Variants in HIPK2 observed in about 807,000 individuals in gnomAD.
The protein encoded by HIPK2 is homeodomain interacting protein kinase 2, also known as homeodomain-interacting protein kinase 2.
HIPK2 carries 27 observed loss-of-function variants against 113.7 expected under a neutral mutation model. That is an observed-to-expected ratio of 0.24 (90% CI 0.17 to 0.33). HIPK2 has a LOEUF of 0.33. Ranked by LOEUF, HIPK2 falls within the 10% of genes least tolerant of loss-of-function variation. The pLI, the probability that HIPK2 is intolerant of heterozygous loss-of-function variation, is 1.00. For missense variants in HIPK2, 1,257 were observed against 1,588.0 expected (o/e 0.79, Z 3.54); for synonymous variants, 631 against 642.2 (o/e 0.98, Z 0.26).
At position 139,568,854 on chromosome 7, in the gene HIPK2, T is replaced by C. The variant is rs1176534035; in HGVS notation, c.*4073A>G. The stretch of plus-strand genomic sequence containing the variant: ...CCATGCATGGGGGTAGAGGAGGCCA[T>C]TGGGTGAGGACTAGGAGAATGTGCA... On this transcript the variant is annotated 3_prime_UTR_variant, in exon 15 of 15. Coordinates refer to ENST00000406875, the MANE Select transcript of HIPK2 (RefSeq NM_022740.5). 3 of 152,278 alleles carry C rather than the reference T, an allele frequency of 2.0e-5. No homozygotes were observed. The highest frequency in any genetic ancestry group is 2.1e-4 in the South Asian group (1 of 4,816). 9.4% of individuals were successfully genotyped at this position (152,278 alleles called of 1,614,324 possible).
chr7:139,581,604 C>T (rs933280610), intron 13 of HIPK2, among the ~76,000 whole-genome samples: 1 of 152,140 alleles, frequency 6.6e-6, no homozygotes, highest in African/African-American at 2.4e-5. Context: ...GCTGGGGGAG[C>T]GCTGAACTCT....
rs779457298 is a variant in HIPK2, at chr7:139,626,665, T to C, written c.1555A>G (p.Ile519Val). 2.6e-5 allele frequency: 42 copies of C among 1,613,856 alleles called. No individual in the cohort carries two copies. The highest frequency in any genetic ancestry group is 1.6e-4 in the Middle Eastern group (1 of 6,082). Residue 519 changes from isoleucine (I) to valine (V), a missense_variant, in exon 6 of 15, where the codon ATC (isoleucine) becomes GTC (valine). Ile to Val is a conservative substitution (Grantham distance 29, BLOSUM62 3). Around this residue, in one of 5 missense-constraint regions of HIPK2, gnomAD observed 862 missense variants for 1,004.3 expected, o/e 0.86. Transcript: ENST00000406875. ...TIDADKRITP[I>V]ETLNHPFVTM... The stretch of plus-strand genomic sequence containing the variant: ...ACAAAGGGATGGTTCAGGGTTTCGA[T>C]TGGAGTGATTCTCTTGTCAGCATCA...
rs1798131132 is a variant in HIPK2, at chr7:139,567,514, A to G, written c.*5413T>C. 6.6e-6 allele frequency: 1 copy of G among 152,080 alleles called. No individual in the cohort carries two copies. The highest frequency in any genetic ancestry group is 2.1e-4 in the South Asian group (1 of 4,830). The allele number at this position is 152,080 out of a possible 1,614,324, so 9.4% of individuals were successfully genotyped here. A position where few individuals can be genotyped will look rare whatever the true frequency, so the allele number is the denominator to read the frequency against. On this transcript the variant is annotated 3_prime_UTR_variant, in exon 15 of 15. Transcript: ENST00000406875. ...GGAAGGCCATTTTGTCCATTTCTGGAGGCGTCTTTGAGAAGGGTTCTTTGG... is the reference window on the plus strand; with the variant it reads ...GGAAGGCCATTTTGTCCATTTCTGGGGGCGTCTTTGAGAAGGGTTCTTTGG...
At chr7:139,647,093 C>T (rs1482031220) in intron 2 of HIPK2, among the ~76,000 whole-genome samples, 2 of 151,752 alleles carry the variant, frequency 1.3e-5, no homozygotes, top group Non-Finnish European at 2.9e-5. Flanking sequence ...GCCAATTCAG[C>T]TCTTTCACTC....
intron 1 of HIPK2, among the ~76,000 whole-genome samples, chr7:139,720,406 A>G (rs555534308): frequency 5.0e-4 from 76 of 152,152 alleles, no homozygotes; most frequent in African/African-American, 1.6e-3. Context: ...TCTTGCTTCA[A>G]TCCTGAGCTC....
chr7:139,589,363 A>G (rs531141736), intron 12 of HIPK2, among the ~76,000 whole-genome samples: 61 of 152,084 alleles, frequency 4.0e-4, no homozygotes, highest in African/African-American at 1.5e-3. Flanking sequence ...CTTGCTGATC[A>G]TATCTTCCTT....
intron 13 of HIPK2, among the ~76,000 whole-genome samples, chr7:139,575,769 G>A (rs1030046320): frequency 2.0e-5 from 3 of 152,254 alleles, no homozygotes; most frequent in Admixed American, 2.0e-4. Flanking sequence ...GAGTGTATGA[G>A]TTCATCAGTG....
At chr7:139,695,553 T>C (rs983461191) in intron 2 of HIPK2, among the ~76,000 whole-genome samples, 1 of 152,182 alleles carries the variant, frequency 6.6e-6, no homozygotes, top group African/African-American at 2.4e-5. Context: ...TAAAAAGTTA[T>C]TCAAGAGGCC....
intron 1 of HIPK2, among the ~76,000 whole-genome samples, chr7:139,733,705 C>T (rs1795858537): frequency 6.6e-6 from 1 of 152,170 alleles, no homozygotes; most frequent in Admixed American, 6.5e-5. Flanking sequence ...TTGTCTTGCA[C>T]CCATTACTTT....
At chr7:139,635,103 C>G (rs1336218752) in intron 2 of HIPK2, among the ~76,000 whole-genome samples, 1 of 152,224 alleles carries the variant, frequency 6.6e-6, no homozygotes, top group Non-Finnish European at 1.5e-5. Context: ...TCACGTGGAT[C>G]TAGGCCTCTT....
chr7:139,706,961 G>A (rs529028351), intron 2 of HIPK2, among the ~76,000 whole-genome samples: 1 of 152,144 alleles, frequency 6.6e-6, no homozygotes, highest in Non-Finnish European at 1.5e-5. Flanking sequence ...CCCTGCTCAA[G>A]CCCACTCAGT....
rs1797967648 is a variant in HIPK2, at chr7:139,562,190, C to CAATAATT, written c.*10730_*10736dup. 1 of 152,160 alleles carries CAATAATT rather than the reference C, an allele frequency of 6.6e-6. No individual in the cohort carries two copies. The highest frequency in any genetic ancestry group is 6.5e-5 in the Admixed American group (1 of 15,284). The allele number at this position is 152,160 out of a possible 1,614,324, so 9.4% of individuals were successfully genotyped here. ...GTACACGAGAAAATACTGTTGCACG[C>CAATAATT]AATAATTTTCACACAGATTAACATG... On this transcript the variant is annotated 3_prime_UTR_variant, in exon 15 of 15. Coordinates refer to ENST00000406875, the MANE Select transcript of HIPK2 (RefSeq NM_022740.5).
At chr7:139,678,354 T>C (rs1180417169) in intron 2 of HIPK2, among the ~76,000 whole-genome samples, 1 of 152,192 alleles carries the variant, frequency 6.6e-6, no homozygotes, top group Non-Finnish European at 1.5e-5. Context: ...TATTTTTGTA[T>C]AAGGTATAAG....
intron 9 of HIPK2, among the ~76,000 whole-genome samples, chr7:139,611,841 C>T (rs1329508154): frequency 2.0e-5 from 3 of 152,122 alleles, no homozygotes; most frequent in Non-Finnish European, 2.9e-5. Context: ...TACAGGTGTG[C>T]ACCACCACAC....
intron 6 of HIPK2, among the ~76,000 whole-genome samples, chr7:139,625,957 A>G (rs1800411571): frequency 6.6e-6 from 1 of 152,102 alleles, no homozygotes; most frequent in Non-Finnish European, 1.5e-5. Flanking sequence ...TACAGAGACT[A>G]CCGTTTCGGG....
At chr7:139,666,362 C>T (rs10247312) in intron 2 of HIPK2, among the ~76,000 whole-genome samples, 34,779 of 152,062 alleles carry the variant, frequency 0.23, 4,805 homozygotes, top group African/African-American at 0.39. Flanking sequence ...AAGAGGCCTT[C>T]GCCACGAAAG....
At chr7:139,708,779 G>A (rs1453471583) in intron 2 of HIPK2, among the ~76,000 whole-genome samples, 1 of 152,238 alleles carries the variant, frequency 6.6e-6, no homozygotes, top group Non-Finnish European at 1.5e-5. Flanking sequence ...GTGGGCGTGT[G>A]TGCATTATCA....
intron 1 of HIPK2, among the ~76,000 whole-genome samples, chr7:139,720,076 A>G (rs1795364730): frequency 6.6e-6 from 1 of 152,296 alleles, no homozygotes; most frequent in East Asian, 1.9e-4. Context: ...CTGGGTCCTT[A>G]ACTTGAATGA....
intron 11 of HIPK2, among the ~76,000 whole-genome samples, chr7:139,600,179 G>T (rs1243606174): frequency 6.6e-6 from 1 of 152,038 alleles, no homozygotes; most frequent in Non-Finnish European, 1.5e-5. Flanking sequence ...CCCACTGCAA[G>T]ATTCCATTGC....
Sources: allele counts gnomAD v4.1 joint callset (sites outside exome capture counted in the v4.1 genomes callset), GRCh38; gene constraint gnomAD v4.1.1; regional missense constraint gnomAD v4.1.1; transcripts MANE v1.5; gene names NCBI Gene and HGNC (gene_info 2026-07-23, HGNC 2026-07-21).